RSPO2: variants seen among roughly 807,000 people sequenced by gnomAD.
The protein encoded by RSPO2 is R-spondin 2.
A neutral mutation model predicts 30.9 loss-of-function variants in RSPO2; 14 were observed. The observed-to-expected ratio is 0.45, with a 90% CI of 0.30 to 0.71. RSPO2 has a LOEUF of 0.71. Ranked by LOEUF, RSPO2 falls within the 30% of genes least tolerant of loss-of-function variation. The pLI, the probability that RSPO2 is intolerant of heterozygous loss-of-function variation, is 0.08. For missense variants in RSPO2, 264 were observed against 301.9 expected, an observed-to-expected ratio of 0.87 and a Z score of 0.93; for synonymous variants, 107 against 96.4, an observed-to-expected ratio of 1.11 and a Z score of -0.64.
intron 2 of RSPO2, among the ~76,000 whole-genome samples, chr8:108,051,648 T>G (rs1229555491): frequency 6.6e-6 from 1 of 152,158 alleles, no homozygotes; most frequent in Non-Finnish European, 1.5e-5. Flanking sequence ...ACCATTCCAG[T>G]AAATAAACAC....
chr8:107,957,633 TTTAAG>T (rs1202032977), intron 5 of RSPO2, among the ~76,000 whole-genome samples: 1 of 152,176 alleles, frequency 6.6e-6, no homozygotes, highest in Non-Finnish European at 1.5e-5. Flanking sequence ...GCAAGTTTAT[TTTAAG>T]TTGTCATCTT....
chr8:107,951,579 C>A (rs1000306779), intron 5 of RSPO2, among the ~76,000 whole-genome samples: 2 of 152,034 alleles, frequency 1.3e-5, no homozygotes, highest in African/African-American at 4.8e-5. Flanking sequence ...TCTTCAGTGG[C>A]ATATGTAGTT....
chr8:107,966,116 G>T (rs982826283), intron 3 of RSPO2, among the ~76,000 whole-genome samples: 2 of 152,096 alleles, frequency 1.3e-5, no homozygotes, highest in African/African-American at 4.8e-5. Context: ...AGAAGCTTTG[G>T]GTGGGGATTA....
intron 5 of RSPO2, among the ~76,000 whole-genome samples, chr8:107,939,769 G>A (rs541835172): frequency 4.9e-4 from 75 of 152,092 alleles, no homozygotes; most frequent in African/African-American, 1.7e-3. Context: ...GAATCTCAAA[G>A]TCTAGTGTGT....
At chr8:107,939,982 T>C (rs562395623) in intron 5 of RSPO2, among the ~76,000 whole-genome samples, 7 of 152,220 alleles carry the variant, frequency 4.6e-5, no homozygotes, top group African/African-American at 1.7e-4. Context: ...TGATGCCCTA[T>C]AAGTCAGCAG....
Position 107,939,715 on chromosome 8 carries a change from G to A in RSPO2, c.616+18365C>T, listed in dbSNP as rs187615241. ...GAAGATGGCAAGTTAAATGCCAAGC[G>A]TTTTGCCTGCATTCTGGCAACATAA... On this transcript the variant is annotated intron_variant, in intron 5 of 5. Coordinates refer to ENST00000276659, the MANE Select transcript of RSPO2 (RefSeq NM_178565.5). 4.1e-4 allele frequency among the ~76,000 whole-genome samples: 62 copies of A among 151,918 alleles called. 1 individual carries two copies. Among genetic ancestry groups the A allele is most frequent in the Non-Finnish European group, 7.1e-4 (48 of 67,928 alleles).
intron 2 of RSPO2, among the ~76,000 whole-genome samples, chr8:108,002,165 C>A (rs1156618415): frequency 6.6e-6 from 1 of 152,126 alleles, no homozygotes; most frequent in Non-Finnish European, 1.5e-5. Context: ...ACTTAAAAGA[C>A]CCTGTGGAAA....
intron 3 of RSPO2, among the ~76,000 whole-genome samples, chr8:107,964,490 C>T (rs933879883): frequency 2.6e-5 from 4 of 152,196 alleles, no homozygotes; most frequent in East Asian, 1.9e-4. Context: ...GTGATCCACC[C>T]GCCTCAGCCT....
chr8:108,078,127 TC>T (rs543363962), intron 2 of RSPO2, among the ~76,000 whole-genome samples: 108 of 152,300 alleles, frequency 7.1e-4, no homozygotes, highest in Non-Finnish European at 1.5e-3. Context: ...AATATTGGAT[TC>T]TAGCCAAGCT....
chr8:108,038,996 G>C (rs1284392229), intron 2 of RSPO2, among the ~76,000 whole-genome samples: 1 of 152,140 alleles, frequency 6.6e-6, no homozygotes, highest in African/African-American at 2.4e-5. Flanking sequence ...GCTTTGCTAA[G>C]TGTCTAGTAG....
chr8:108,082,693 C>T lies in RSPO2; in HGVS notation c.-55G>A. The T allele has an allele frequency of 1.3e-6, 2 of 1,492,886 alleles. No individual in the cohort carries two copies. Among genetic ancestry groups the T allele is most frequent in the Non-Finnish European group, 1.9e-6 (2 of 1,075,350 alleles). 92.5% of individuals were successfully genotyped at this position (1,492,886 alleles called of 1,614,324 possible). On this transcript the variant is annotated 5_prime_UTR_variant, in exon 2 of 6. Coordinates refer to ENST00000276659, the MANE Select transcript of RSPO2 (RefSeq NM_178565.5). ...CTCAAAGTCTAGGAACTGGAGGGTTCGCCCAAAGAGCCGGCGCCGGCCGCG... is the reference window on the plus strand; with the variant it reads ...CTCAAAGTCTAGGAACTGGAGGGTTTGCCCAAAGAGCCGGCGCCGGCCGCG...
chr8:107,994,009 A>T (rs1814933525), intron 2 of RSPO2, among the ~76,000 whole-genome samples: 2 of 152,152 alleles, frequency 1.3e-5, no homozygotes, highest in South Asian at 4.1e-4. Context: ...AAAAAAGGTC[A>T]CCTTCTAAGT....
chr8:107,976,946 T>C (rs1814236352), intron 3 of RSPO2, among the ~76,000 whole-genome samples: 1 of 152,184 alleles, frequency 6.6e-6, no homozygotes, highest in South Asian at 2.1e-4. Context: ...TTAAAATGCA[T>C]GTGCCAGAAC....
chr8:108,018,478 T>C (rs907876068), intron 2 of RSPO2, among the ~76,000 whole-genome samples: 4 of 152,168 alleles, frequency 2.6e-5, no homozygotes, highest in Non-Finnish European at 4.4e-5. Flanking sequence ...ATGAGTACTT[T>C]CCTACATAAG....
At chr8:108,001,317 G>A (rs1455659864) in intron 2 of RSPO2, among the ~76,000 whole-genome samples, 3 of 152,126 alleles carry the variant, frequency 2.0e-5, no homozygotes, top group Non-Finnish European at 2.9e-5. Flanking sequence ...AATTAAAATC[G>A]TGAGACCTCA....
At chr8:108,009,447 TGTTA>T (rs1183698726) in intron 2 of RSPO2, among the ~76,000 whole-genome samples, 28 of 152,144 alleles carry the variant, frequency 1.8e-4, no homozygotes, top group African/African-American at 6.8e-4. Flanking sequence ...TGCACAGCAG[TGTTA>T]GTTAATATAT....
intron 5 of RSPO2, among the ~76,000 whole-genome samples, chr8:107,926,848 CT>C (rs1236846290): frequency 2.0e-5 from 3 of 152,154 alleles, no homozygotes; most frequent in South Asian, 4.1e-4. Flanking sequence ...CAGCTTTGTT[CT>C]TTTGGCTTAG....
At chr8:108,035,599 T>C (rs1811569921) in intron 2 of RSPO2, among the ~76,000 whole-genome samples, 1 of 152,064 alleles carries the variant, frequency 6.6e-6, no homozygotes, top group Admixed American at 6.5e-5. Flanking sequence ...GCCTCCCGAG[T>C]AGCTGGGACT....
chr8:107,994,565 G>C (rs1293036672), intron 2 of RSPO2, among the ~76,000 whole-genome samples: 1 of 151,944 alleles, frequency 6.6e-6, no homozygotes, highest in Non-Finnish European at 1.5e-5. Flanking sequence ...CTTTCCTATA[G>C]CTGGTATAAA....
Sources: allele counts gnomAD v4.1 joint callset (sites outside exome capture counted in the v4.1 genomes callset), GRCh38; gene constraint gnomAD v4.1.1; transcripts MANE v1.5; gene names NCBI Gene and HGNC (gene_info 2026-07-23, HGNC 2026-07-21).